The following HEATR5B variants were observed in gnomAD, a reference collection of about 807,000 sequenced individuals.
HEATR5B encodes HEAT repeat-containing protein 5B.
Under a neutral mutation model 224.1 loss-of-function variants are expected in HEATR5B, and 156 were observed. That is an observed-to-expected ratio of 0.70 (90% CI 0.61 to 0.80). The LOEUF (loss-of-function observed/expected upper bound fraction) is 0.80, where lower values mean the gene tolerates loss of function less well. Among genes scored for constraint, HEATR5B ranks in the 30% least tolerant of loss-of-function variants. HEATR5B has a pLI of 0.00. For synonymous variants in HEATR5B, 1,027 were observed against 893.0 expected (o/e 1.15, Z -2.68); for missense variants, 2,323 against 2,535.5 (o/e 0.92, Z 1.80).
intron 4 of HEATR5B, 52 bp downstream of exon 4, chr2:37,076,859 T>C: frequency 1.5e-6 from 2 of 1,361,032 alleles, no homozygotes; most frequent in South Asian, 1.2e-5. Context: ...TTAGCTGACA[T>C]CTAACTCTTG....
Position 37,079,291 on chromosome 2 carries a change from A to C in HEATR5B, c.167T>G (p.Leu56Ter). The C allele has an allele frequency of 6.2e-7, 1 of 1,611,250 alleles. No homozygotes were observed. The highest frequency in any genetic ancestry group is 8.5e-7 in the Non-Finnish European group (1 of 1,179,128). ...KEKQKKLVEQLTGLISSSPGP... is the reference protein window; with the variant it reads ...KEKQKKLVEQ ...AGGTGAACTACTTATTAATCCAGTT[A>C]ATTGTTCAACAAGTTTTTTCTGTTT... Residue 56 changes from leucine (L) to a stop codon, truncating the protein, a stop_gained, in exon 3 of 36, where the codon TTA becomes TGA. Transcript: ENST00000233099. LOFTEE classifies it high-confidence loss of function.
chr2:37,005,760 C>A lies in HEATR5B; in HGVS notation c.4778-1G>T. The A allele has an allele frequency of 6.4e-7, 1 of 1,567,796 alleles. No homozygotes were observed. On this transcript the variant is annotated splice_acceptor_variant, in intron 29 of 35. Transcript: ENST00000233099. LOFTEE classifies it high-confidence loss of function. ...GAACAAAGAAACTGTATACTCACAC[C>A]TGAAATGCACAAAATAAAAACATGT...
intron 16 of HEATR5B, chr2:37,055,084 T>C (rs1161467934): frequency 2.5e-6 from 1 of 399,280 alleles, no homozygotes; most frequent in Non-Finnish European, 5.0e-6. Flanking sequence ...GTAAGTACCT[T>C]TTGTGCACTA....
chr2:36,998,231 A>G (rs2148360720), intron 33 of HEATR5B, among the ~76,000 whole-genome samples: 1 of 152,356 alleles, frequency 6.6e-6, no homozygotes, highest in African/African-American at 2.4e-5. Flanking sequence ...AAACCTTGAA[A>G]TAAAAAGTCA....
rs536889347 is a variant in HEATR5B, at chr2:37,032,502, G to C, written c.3361+127C>G. 4 of 845,180 alleles carry C rather than the reference G, an allele frequency of 4.7e-6. No homozygotes were observed. In the East Asian group the frequency reaches 1.1e-4, roughly 22 times the overall value. 52.4% of individuals were successfully genotyped at this position (845,180 alleles called of 1,614,324 possible). ...ACATTGGAATTTTAAAAGTGGTAAT[G>C]GTTTTATTTCAAAGAATAAGACATC... On this transcript the variant is annotated intron_variant, in intron 22 of 35. Coordinates refer to ENST00000233099, the MANE Select transcript of HEATR5B (RefSeq NM_019024.3).
chr2:37,067,115 C>A (rs1220675323), intron 8 of HEATR5B, among the ~76,000 whole-genome samples: 2 of 152,142 alleles, frequency 1.3e-5, no homozygotes, highest in Non-Finnish European at 2.9e-5. Flanking sequence ...CTCAAGTGAT[C>A]CACCCATCTT....
At chr2:37,011,511 A>C (rs1281937673) in intron 27 of HEATR5B, among the ~76,000 whole-genome samples, 1 of 152,226 alleles carries the variant, frequency 6.6e-6, no homozygotes, top group African/African-American at 2.4e-5. Context: ...AAGAGTTAAA[A>C]ATGACTCATA....
At chr2:36,994,691 T>C (rs887304815) in intron 33 of HEATR5B, among the ~76,000 whole-genome samples, 10 of 152,182 alleles carry the variant, frequency 6.6e-5, no homozygotes, top group African/African-American at 2.4e-4. Flanking sequence ...ATGAACAATT[T>C]CAAAAATATT....
At chr2:37,060,778 C>T in intron 11 of HEATR5B, 45 bp from the exon 12 acceptor site, 1 of 1,525,600 alleles carries the variant, frequency 6.6e-7, no homozygotes, top group Non-Finnish European at 8.9e-7. Flanking sequence ...ATGTAACATA[C>T]CTTACAAACA....
At chr2:37,067,511 G>GTA (rs1671657447) in intron 8 of HEATR5B, among the ~76,000 whole-genome samples, 1 of 152,154 alleles carries the variant, frequency 6.6e-6, no homozygotes, top group African/African-American at 2.4e-5. Flanking sequence ...GCTCATACCT[G>GTA]TAATCCCAGC....
chr2:37,022,836 C>G (rs1668546442), intron 24 of HEATR5B, among the ~76,000 whole-genome samples: 1 of 152,068 alleles, frequency 6.6e-6, no homozygotes, highest in African/African-American at 2.4e-5. Flanking sequence ...CATCCCAGAA[C>G]AAAGTCCAAA....
rs961133023 is a variant in HEATR5B at position 37,068,903 on chromosome 2, C to A, written c.955G>T (p.Gly319Cys). The change falls in exon 8 of 36, where the codon GGT becomes TGT. Residue 319 changes from glycine to cysteine, a missense_variant. This residue lies in a region of HEATR5B where 502 missense variants were observed against 517.8 expected (regional missense o/e 0.97). Coordinates refer to ENST00000233099, the MANE Select transcript of HEATR5B (RefSeq NM_019024.3). Reference sequence around the variant, plus strand: ...AAGCTGCGCTCCAACCACTGACCACCCAATGTTGTCACAAAAACAACATAC... The same window carrying A: ...AAGCTGCGCTCCAACCACTGACCACACAATGTTGTCACAAAAACAACATAC... Reference protein sequence around the residue: ...QAYVVFVTTLGGQWLERSFAT... With the variant: ...QAYVVFVTTLCGQWLERSFAT... 1 of 1,613,560 alleles carries A rather than the reference C, an allele frequency of 6.2e-7. No homozygotes were observed. The highest frequency in any genetic ancestry group is 1.1e-5 in the South Asian group (1 of 91,064).
intron 16 of HEATR5B, 64 bp from the exon 17 acceptor site, chr2:37,053,671 G>A (rs370454581): frequency 1.5e-5 from 14 of 919,092 alleles, no homozygotes; most frequent in South Asian, 9.3e-5. Flanking sequence ...GCTCAAAAAC[G>A]GATAAGAAGA....
At position 37,034,545 on chromosome 2, in the gene HEATR5B, G is replaced by A. The variant is rs1312365754; in HGVS notation, c.3217-1772C>T. ...GGAGAATGGCGTGAACCCGGGAGGCGGAGCTTGCAGTGAGCCGAGATCCCG... is the reference window on the plus strand; with the variant it reads ...GGAGAATGGCGTGAACCCGGGAGGCAGAGCTTGCAGTGAGCCGAGATCCCG... On this transcript the variant is annotated intron_variant, in intron 21 of 35. Transcript: ENST00000233099. Among the ~76,000 whole-genome samples the A allele has an allele frequency of 1.8e-4, 26 of 141,240 alleles. No individual in the cohort carries two copies. In the Middle Eastern group the frequency reaches 0.011, roughly 59 times the overall value. 92.7% of individuals were successfully genotyped at this position (141,240 alleles called of 152,430 possible).
intron 24 of HEATR5B, 92 bp downstream of exon 24, chr2:37,027,831 C>T (rs1472695504): frequency 3.5e-5 from 46 of 1,305,522 alleles, no homozygotes; most frequent in South Asian, 1.3e-4. Flanking sequence ...TTCTAAAGCA[C>T]GCTATATCTG....
At chr2:37,078,806 G>A (rs776955006) in intron 3 of HEATR5B, among the ~76,000 whole-genome samples, 1 of 152,006 alleles carries the variant, frequency 6.6e-6, no homozygotes, top group Non-Finnish European at 1.5e-5. Context: ...CTCCTCCTAG[G>A]TAACTTTACT....
At chr2:36,985,455 T>C (rs1243172247) in intron 35 of HEATR5B, among the ~76,000 whole-genome samples, 3 of 141,410 alleles carry the variant, frequency 2.1e-5, no homozygotes, top group Non-Finnish European at 4.6e-5. Flanking sequence ...GTGCTTTTTT[T>C]TGGTTTTTTT....
chr2:36,987,885 A>T (rs1364636334), intron 35 of HEATR5B, among the ~76,000 whole-genome samples: 2 of 152,132 alleles, frequency 1.3e-5, no homozygotes, highest in Non-Finnish European at 2.9e-5. Flanking sequence ...CAACCTGGGC[A>T]ACATGGCAAA....
chr2:37,005,480 A>G, intron 30 of HEATR5B, 152 bp downstream of exon 30: 1 of 715,368 alleles, frequency 1.4e-6, no homozygotes, highest in Non-Finnish European at 2.3e-6. Flanking sequence ...GCACAGAGTA[A>G]AAGTAACTGG....
Sources: allele counts gnomAD v4.1 joint callset (sites outside exome capture counted in the v4.1 genomes callset), GRCh38; gene constraint gnomAD v4.1.1; regional missense constraint gnomAD v4.1.1; transcripts MANE v1.5; gene names NCBI Gene and HGNC (gene_info 2026-07-23, HGNC 2026-07-21).